The following LCT variants were observed in gnomAD, a reference collection of about 807,000 sequenced individuals.
LCT encodes the protein lactase/phlorizin hydrolase.
A neutral mutation model predicts 173.0 loss-of-function variants in LCT; 90 were observed. That is an observed-to-expected ratio of 0.52 (90% CI 0.44 to 0.62). The LOEUF (loss-of-function observed/expected upper bound fraction) is 0.62. LCT is among the 20% of genes least tolerant of loss of function. The pLI is 0.00. For missense variants in LCT, 1,864 were observed against 2,431.4 expected (o/e 0.77, Z 4.91); for synonymous variants, 853 against 957.6 (o/e 0.89, Z 2.02).
Position 135,788,252 on chromosome 2 carries a change from A to G in LCT, c.*72T>C, listed in dbSNP as rs1434289690. 9.4e-7 allele frequency: 1 copy of G among 1,066,574 alleles called. No individual in the cohort carries two copies. Among genetic ancestry groups the G allele is most frequent in the Non-Finnish European group, 1.4e-6 (1 of 691,860 alleles). The allele number at this position is 1,066,574 out of a possible 1,614,324, so 66.1% of individuals were successfully genotyped here. A position where few individuals can be genotyped will look rare whatever the true frequency, so the allele number is the denominator to read the frequency against. Reference sequence around the variant, plus strand: ...CAGTATCAGCAGAGTCTAAGACCCTAAGGTGTTTGGTGGCCGGTAAACATA... The same window carrying G: ...CAGTATCAGCAGAGTCTAAGACCCTGAGGTGTTTGGTGGCCGGTAAACATA... On this transcript the variant is annotated 3_prime_UTR_variant, in exon 17 of 17. Transcript: ENST00000264162.
In LCT at chr2:135,809,249, C is replaced by T; in HGVS notation, c.3098G>A (p.Trp1033Ter). 6.2e-7 allele frequency: 1 copy of T among 1,614,208 alleles called. No individual in the cohort carries two copies. The highest frequency in any genetic ancestry group is 8.5e-7 in the Non-Finnish European group (1 of 1,180,032). The change falls in exon 8 of 17, where the codon TGG (tryptophan) becomes TAG (stop). Residue 1033 changes from tryptophan (W) to a stop codon, truncating the protein, a stop_gained. Transcript: ENST00000264162. LOFTEE classifies it high-confidence loss of function. The surrounding 1 kb of genome is among the most constrained non-coding windows in gnomAD (Gnocchi z 5.5). ...CAAGTCAATCAAGGCAGGATTCTCC[C>T]AGCCTCCGATATCCTGGAGGGCCTG... ...LPQALQDIGG[W>*]ENPALIDLFD...
Position 135,809,425 on chromosome 2 carries a change from G to A in LCT, c.2922C>T (p.Tyr974=). 6.2e-7 allele frequency: 1 copy of A among 1,614,238 alleles called. No homozygotes were observed. The highest frequency in any genetic ancestry group is 1.3e-5 in the African/African-American group (1 of 75,074). ...NMLRALKVKA[Y]RFSISWSRIF... The stretch of plus-strand genomic sequence containing the variant: ...TCCGAGACCAGGAGATAGAGAAGCG[G>A]TAGGCCTTCACCTTCAAAGCTCGGA... The change falls in exon 8 of 17, where the codon TAC becomes TAT. Residue 974 remains tyrosine (Y), a synonymous_variant. Transcript: ENST00000264162. This position sits in a 1 kb window ranked among gnomAD's most constrained non-coding sequence, Gnocchi z 5.5.
Position 135,836,683 on chromosome 2 carries a change from C to T in LCT, c.487G>A (p.Gly163Arg), listed in dbSNP as rs141337403. The T allele has an allele frequency of 2.7e-5, 44 of 1,614,090 alleles. No individual in the cohort carries two copies. The highest frequency in any genetic ancestry group is 1.1e-4 in the East Asian group (5 of 44,880). ...DYATFAFHSF[G>R]DLVGIWFTFS... ...GTGAACCAGATCCCAACTAGGTCCC[C>T]GAAGGAGTGGAAGGCGAATGTGGCA... Residue 163 changes from glycine (G) to arginine (R), a missense_variant, in exon 1 of 17, where the codon GGG becomes AGG. Physicochemically the swap from Gly to Arg is moderately radical, Grantham distance 125. Around this residue, in one of 4 missense-constraint regions of LCT, gnomAD observed 412 missense variants for 462.0 expected, o/e 0.89. Transcript: ENST00000264162.
intron 4 of LCT, 52 bp from the exon 5 acceptor site, chr2:135,822,150 G>A (rs2077840065): frequency 1.9e-6 from 2 of 1,070,348 alleles, no homozygotes; most frequent in Admixed American, 1.7e-5. Context: ...CTAAGAACAT[G>A]CAAGTCTGAA....
At chr2:135,807,489 T>C in intron 8 of LCT, 93 bp from the exon 9 acceptor site, 1 of 1,245,738 alleles carries the variant, frequency 8.0e-7, no homozygotes. Flanking sequence ...CAATTCAAGG[T>C]TGTGGTCCTA....
intron 13 of LCT, among the ~76,000 whole-genome samples, 176 bp downstream of exon 13, chr2:135,797,853 A>T (rs1379459889): frequency 6.6e-6 from 1 of 152,182 alleles, no homozygotes. Flanking sequence ...AATAACCATA[A>T]TAGCAAACCC....
chr2:135,814,070 G>C (rs529073776), intron 6 of LCT, among the ~76,000 whole-genome samples: 4 of 152,350 alleles, frequency 2.6e-5, no homozygotes, highest in African/African-American at 7.2e-5. Flanking sequence ...TTAAATACGT[G>C]TATATAAAGC....
chr2:135,812,683 C>A lies in LCT; in HGVS notation c.1981G>T (p.Ala661Ser). The change falls in exon 7 of 17, where the codon GCT becomes TCT. Residue 661 changes from alanine (A) to serine (S), a missense_variant. Coordinates refer to ENST00000264162, the MANE Select transcript of LCT (RefSeq NM_002299.4). ...GCCTCTGTGAACTCGGGGAGTTGAG[C>A]CACAGGATGGGAGCACTGTCTGTTC... ...QMNRQCSHPV[A>S]QLPEFTEAEK... The A allele has an allele frequency of 6.2e-7, 1 of 1,613,776 alleles. No individual in the cohort carries two copies. Among genetic ancestry groups the A allele is most frequent in the Non-Finnish European group, 8.5e-7 (1 of 1,179,682 alleles).
intron 5 of LCT, among the ~76,000 whole-genome samples, chr2:135,818,724 C>G (rs1305621493): frequency 6.6e-6 from 1 of 152,184 alleles, no homozygotes; most frequent in Non-Finnish European, 1.5e-5. Flanking sequence ...GTAATCCCAG[C>G]TACTCAGGAG....
intron 3 of LCT, among the ~76,000 whole-genome samples, 168 bp downstream of exon 3, chr2:135,829,425 G>A (rs952576827): frequency 1.3e-5 from 2 of 152,040 alleles, no homozygotes; most frequent in Non-Finnish European, 2.9e-5. Flanking sequence ...CCTAACATCC[G>A]ATGTTCTCTA....
chr2:135,789,508 A>G, intron 16 of LCT, 63 bp downstream of exon 16: 1 of 1,141,116 alleles, frequency 8.8e-7, no homozygotes, highest in Non-Finnish European at 1.3e-6. Context: ...AAACAGACTG[A>G]GAGAGGCCCT....
In LCT at chr2:135,789,628, G is replaced by A; in HGVS notation, c.5506C>T (p.Arg1836Ter). ...ASAKFYASVV[R>*]CNGFPDPATG... ...GCGGGGTCAGGGAAGCCATTGCATC[G>A]GACCACAGAGGCGTAGAACTTCGCT... Residue 1836 changes from arginine (R) to a stop codon, truncating the protein, a stop_gained, in exon 16 of 17, where the codon CGA (arginine) becomes TGA (stop). Coordinates refer to ENST00000264162, the MANE Select transcript of LCT (RefSeq NM_002299.4). LOFTEE classifies it high-confidence loss of function. 1 of 1,614,062 alleles carries A rather than the reference G, an allele frequency of 6.2e-7. No homozygotes were observed. The highest frequency in any genetic ancestry group is 8.5e-7 in the Non-Finnish European group (1 of 1,179,998).
At position 135,812,659 on chromosome 2, in the gene LCT, C is replaced by T. The variant is rs530867247; in HGVS notation, c.2005G>A (p.Ala669Thr). The change falls in exon 7 of 17, where the codon GCA becomes ACA. Residue 669 changes from alanine to threonine, a missense_variant. This residue lies in a region of LCT where 755 missense variants were observed against 926.3 expected (regional missense o/e 0.82). Transcript: ENST00000264162. ...PVAQLPEFTE[A>T]EKQLLKGSAD... is the part of the protein sequence containing the mutation. ...GAGCCTTTCAGGAGCTGCTTCTCTG[C>T]CTCTGTGAACTCGGGGAGTTGAGCC... 8.1e-6 allele frequency: 13 copies of T among 1,612,648 alleles called. No individual in the cohort carries two copies. In the East Asian group the frequency reaches 2.9e-4, roughly 36 times the overall value.
chr2:135,828,585 T>A (rs2077906533), intron 3 of LCT, among the ~76,000 whole-genome samples: 1 of 152,102 alleles, frequency 6.6e-6, no homozygotes, highest in South Asian at 2.1e-4. Context: ...CTGCCAGCAC[T>A]CGGAAGGTGC....
chr2:135,817,653 G>T lies in LCT; in HGVS notation c.1395C>A (p.His465Gln), dbSNP rs771350580. 6.2e-7 allele frequency: 1 copy of T among 1,613,754 alleles called. No homozygotes were observed. The highest frequency in any genetic ancestry group is 8.5e-7 in the Non-Finnish European group (1 of 1,179,850). The change falls in exon 6 of 17, where the codon CAC becomes CAA. Residue 465 changes from histidine to glutamine, a missense_variant. This residue lies in a region of LCT where 183 missense variants were observed against 293.1 expected (regional missense o/e 0.62). Transcript: ENST00000264162. Reference sequence around the variant, plus strand: ...CGCCTGGGAGGCTGGGGCTGCTCCCGTGCCCCATGGGGAAGATCCGGGACC... The same window carrying T: ...CGCCTGGGAGGCTGGGGCTGCTCCCTTGCCCCATGGGGAAGATCCGGGACC... ...ISWSRIFPMG[H>Q]GSSPSLPGVA...
At chr2:135,812,137 C>T (rs2077739144) in intron 7 of LCT, among the ~76,000 whole-genome samples, 174 bp downstream of exon 7, 1 of 152,184 alleles carries the variant, frequency 6.6e-6, no homozygotes, top group African/African-American at 2.4e-5. Flanking sequence ...ACGTGAATGA[C>T]ATGAATGAAC....
intron 4 of LCT, 149 bp downstream of exon 4, chr2:135,823,752 A>AG (rs1442106464): frequency 1.4e-6 from 1 of 704,586 alleles, no homozygotes. Flanking sequence ...AGGAAGGCAT[A>AG]GTACACTAAC....
At position 135,809,877 on chromosome 2, in the gene LCT, C is replaced by A; in HGVS notation, c.2470G>T (p.Asp824Tyr). Residue 824 changes from aspartate (D) to tyrosine (Y), a missense_variant, in exon 8 of 17, where the codon GAC (aspartate) becomes TAC (tyrosine). Around this residue, in one of 4 missense-constraint regions of LCT, gnomAD observed 755 missense variants for 926.3 expected, o/e 0.82. Coordinates refer to ENST00000264162, the MANE Select transcript of LCT (RefSeq NM_002299.4). The surrounding 1 kb of genome is among the most constrained non-coding windows in gnomAD (Gnocchi z 5.5). ...CTGGGAGTCCTTGACTTGCTGCTGT[C>A]GCTGAAGTTGACGTGGTGCAGGCCA... ...RFGLHHVNFSDSSKSRTPRKS... is the reference protein window; with the variant it reads ...RFGLHHVNFSYSSKSRTPRKS... 6.2e-7 allele frequency: 1 copy of A among 1,614,130 alleles called. No individual in the cohort carries two copies. Among genetic ancestry groups the A allele is most frequent in the Non-Finnish European group, 8.5e-7 (1 of 1,180,014 alleles).
At chr2:135,823,830 T>C (rs1177911104) in intron 4 of LCT, 71 bp downstream of exon 4, 2 of 1,072,272 alleles carry the variant, frequency 1.9e-6, no homozygotes, top group Non-Finnish European at 2.9e-6. Context: ...ACCCCGGACT[T>C]TCAAGACTGC....
Sources: allele counts gnomAD v4.1 joint callset (sites outside exome capture counted in the v4.1 genomes callset), GRCh38; gene constraint gnomAD v4.1.1; regional missense constraint gnomAD v4.1.1; non-coding constraint Gnocchi (gnomAD v3.1); transcripts MANE v1.5; gene names NCBI Gene and HGNC (gene_info 2026-07-23, HGNC 2026-07-21).